Variants in NRG1 observed in about 807,000 individuals in gnomAD.
The protein encoded by NRG1 is pro-neuregulin-1, membrane-bound isoform.
A neutral mutation model predicts 63.8 loss-of-function variants in NRG1; 18 were observed. The ratio of observed to expected loss-of-function variants is 0.28; its 90% CI spans 0.19 to 0.42. The LOEUF is 0.42. Among genes scored for constraint, NRG1 ranks in the 10% least tolerant of loss-of-function variants. NRG1 has a pLI of 1.00. For synonymous variants in NRG1, 302 were observed against 301.3 expected (o/e 1.00, Z -0.02); for missense variants, 762 against 814.7 (o/e 0.94, Z 0.79).
At chr8:31,786,703 A>G (rs1377232137) in intron 1 of NRG1, among the ~76,000 whole-genome samples, 5 of 152,168 alleles carry the variant, frequency 3.3e-5, no homozygotes, top group Non-Finnish European at 7.4e-5. Flanking sequence ...ACCATTTACC[A>G]GTTTATTATA....
At chr8:31,904,052 T>C (rs1832319877) in intron 1 of NRG1, among the ~76,000 whole-genome samples, 1 of 152,226 alleles carries the variant, frequency 6.6e-6, no homozygotes, top group Non-Finnish European at 1.5e-5. Flanking sequence ...GCTAGTCATT[T>C]TGCCAAATTT....
chr8:31,681,144 A>T (rs1292989759), intron 1 of NRG1, among the ~76,000 whole-genome samples: 1 of 152,104 alleles, frequency 6.6e-6, no homozygotes, highest in East Asian at 1.9e-4. Context: ...ACTACCTCAC[A>T]TCACACATAA....
chr8:32,019,177 C>A (rs916433425), intron 1 of NRG1, among the ~76,000 whole-genome samples: 6 of 152,214 alleles, frequency 3.9e-5, no homozygotes, highest in Non-Finnish European at 5.9e-5. Context: ...TGGCTCACTG[C>A]AAGCTCCGTC....
At chr8:31,900,495 G>C (rs1831981720) in intron 1 of NRG1, among the ~76,000 whole-genome samples, 1 of 152,128 alleles carries the variant, frequency 6.6e-6, no homozygotes, top group South Asian at 2.1e-4. Flanking sequence ...TGACAAATAG[G>C]TAAGTATAAA....
rs142681550 is a variant in NRG1 at position 32,496,977 on chromosome 8, C to A, written c.38-98851C>A. ...TTACACATAAGGAAATTAATTCAGA[C>A]TTTTAGTAAGTTGCCCAGAATCACG... On this transcript the variant is annotated intron_variant, in intron 1 of 10. Transcript: ENST00000519301. Among the ~76,000 whole-genome samples the A allele has an allele frequency of 8.8e-3, 1,337 of 152,232 alleles. 63 individuals are homozygous for A. Among genetic ancestry groups the A allele is most frequent in the Admixed American group, 0.079 (1,203 of 15,292 alleles).
intron 1 of NRG1, among the ~76,000 whole-genome samples, chr8:31,812,183 T>G (rs1182255293): frequency 6.6e-6 from 1 of 152,196 alleles, no homozygotes; most frequent in Non-Finnish European, 1.5e-5. Flanking sequence ...TTAAAAATCT[T>G]GATGCTGGAA....
At chr8:31,803,241 C>A (rs1821961626) in intron 1 of NRG1, among the ~76,000 whole-genome samples, 1 of 152,138 alleles carries the variant, frequency 6.6e-6, no homozygotes, top group Non-Finnish European at 1.5e-5. Flanking sequence ...AGTGTACCTG[C>A]AGTTATAATC....
chr8:32,227,192 G>C (rs1306493771), intron 1 of NRG1, among the ~76,000 whole-genome samples: 1 of 152,152 alleles, frequency 6.6e-6, no homozygotes, highest in East Asian at 1.9e-4. Context: ...TCTTCTAAGA[G>C]CCAGGTCTGG....
intron 1 of NRG1, among the ~76,000 whole-genome samples, chr8:32,509,716 T>C (rs868475500): frequency 2.0e-5 from 3 of 152,170 alleles, no homozygotes; most frequent in South Asian, 4.1e-4. Flanking sequence ...TAGTTTCATT[T>C]TGGATTTAAG....
At chr8:32,539,995 G>C (rs183017783) in intron 1 of NRG1, among the ~76,000 whole-genome samples, 1 of 152,288 alleles carries the variant, frequency 6.6e-6, no homozygotes, top group East Asian at 1.9e-4. Context: ...TTGGAGACGA[G>C]ACAGAGTCCT....
intron 6 of NRG1, among the ~76,000 whole-genome samples, chr8:32,739,933 A>T (rs1399585186): frequency 6.6e-6 from 1 of 152,174 alleles, no homozygotes; most frequent in African/African-American, 2.4e-5. Flanking sequence ...AATTCAAAGA[A>T]GCAGGATGGA....
intron 1 of NRG1, among the ~76,000 whole-genome samples, chr8:31,845,049 GT>G (rs1826553909): frequency 6.6e-6 from 1 of 152,074 alleles, no homozygotes; most frequent in Non-Finnish European, 1.5e-5. Context: ...GGAGGTTGCA[GT>G]GAGCTGAGAT....
intron 1 of NRG1, among the ~76,000 whole-genome samples, chr8:31,849,783 G>T (rs926718926): frequency 6.6e-6 from 1 of 152,106 alleles, no homozygotes; most frequent in Non-Finnish European, 1.5e-5. Context: ...GCAGTTTGCT[G>T]GGTCTCCCTG....
At chr8:32,277,060 G>T (rs1170982251) in intron 1 of NRG1, among the ~76,000 whole-genome samples, 1 of 152,178 alleles carries the variant, frequency 6.6e-6, no homozygotes, top group South Asian at 2.1e-4. Context: ...AAGCTCATCT[G>T]CCTCATTCCT....
At chr8:32,768,444 A>T (rs1056437558), downstream of NRG1, among the ~76,000 whole-genome samples, 2 of 152,320 alleles carry the variant, frequency 1.3e-5, no homozygotes, top group South Asian at 4.1e-4. Flanking sequence ...AAGCTTCCTT[A>T]TACCATCCGC....
At chr8:32,395,986 C>CT (rs1175690069) in intron 1 of NRG1, among the ~76,000 whole-genome samples, 1 of 152,064 alleles carries the variant, frequency 6.6e-6, no homozygotes, top group Non-Finnish European at 1.5e-5. Context: ...AAAAGATAAT[C>CT]TTTTTTATAC....
intron 1 of NRG1, among the ~76,000 whole-genome samples, chr8:32,173,396 G>T (rs937134393): frequency 2.0e-5 from 3 of 152,200 alleles, no homozygotes; most frequent in African/African-American, 7.2e-5. Context: ...ATGCCAAATT[G>T]TAAAGACCAT....
At chr8:32,581,282 A>G (rs756510599) in intron 1 of NRG1, among the ~76,000 whole-genome samples, 23 of 152,244 alleles carry the variant, frequency 1.5e-4, no homozygotes, top group Non-Finnish European at 2.6e-4. Context: ...TACTAGCTGC[A>G]TGCCAGAAGA....
At chr8:31,862,516 A>C (rs1828558403) in intron 1 of NRG1, among the ~76,000 whole-genome samples, 1 of 152,172 alleles carries the variant, frequency 6.6e-6, no homozygotes, top group Non-Finnish European at 1.5e-5. Flanking sequence ...TGGGACAAAA[A>C]GTCATTGGTT....
Sources: allele counts gnomAD v4.1 joint callset (sites outside exome capture counted in the v4.1 genomes callset), GRCh38; gene constraint gnomAD v4.1.1; transcripts MANE v1.5; gene names NCBI Gene and HGNC (gene_info 2026-07-23, HGNC 2026-07-21).